Variants in KIF26B observed in about 807,000 individuals in gnomAD.
KIF26B encodes kinesin family member 26B.
In KIF26B, 63 loss-of-function variants were observed where a neutral mutation model predicts 151.2. The observed-to-expected ratio is 0.42, with a 90% CI of 0.34 to 0.51. The LOEUF is 0.51. Ranked by LOEUF, KIF26B falls within the 20% of genes least tolerant of loss-of-function variation. The probability of loss-of-function intolerance (pLI) is 0.07; values close to 1 mark genes in which losing one functional copy is unlikely to be tolerated. For synonymous variants in KIF26B, 1,357 were observed against 1,262.1 expected, an observed-to-expected ratio of 1.08 and a Z score of -1.59; for missense variants, 2,813 against 2,913.6, an observed-to-expected ratio of 0.97 and a Z score of 0.79.
chr1:245,193,386 TACTTG>T (rs1297820634), intron 2 of KIF26B, among the ~76,000 whole-genome samples: 2 of 152,234 alleles, frequency 1.3e-5, no homozygotes, highest in African/African-American at 2.4e-5. Flanking sequence ...GTTCCTTTGG[TACTTG>T]ACTTCTTATT....
At chr1:245,502,797 T>C (rs1315404880) in intron 4 of KIF26B, among the ~76,000 whole-genome samples, 1 of 151,972 alleles carries the variant, frequency 6.6e-6, no homozygotes, top group Non-Finnish European at 1.5e-5. Context: ...CCAACTGTTT[T>C]GTCATGACAG....
At chr1:245,368,848 G>A (rs1309656455) in intron 3 of KIF26B, among the ~76,000 whole-genome samples, 2 of 152,138 alleles carry the variant, frequency 1.3e-5, no homozygotes, top group Non-Finnish European at 2.9e-5. Context: ...CAAGAATCCA[G>A]TCTTTGCTGG....
intron 4 of KIF26B, among the ~76,000 whole-genome samples, chr1:245,461,845 G>A (rs1659654900): frequency 6.6e-6 from 1 of 152,190 alleles, no homozygotes; most frequent in Non-Finnish European, 1.5e-5. Context: ...CGGGCATGGT[G>A]ACTCATGCCA....
At chr1:245,701,629 T>TATTA (rs1487163923) in intron 14 of KIF26B, among the ~76,000 whole-genome samples, 9 of 151,500 alleles carry the variant, frequency 5.9e-5, no homozygotes, top group Non-Finnish European at 1.0e-4. Context: ...TCGTGTTCAT[T>TATTA]ATTATCTCAT....
chr1:245,451,851 C>T (rs569051170), intron 4 of KIF26B, among the ~76,000 whole-genome samples: 22 of 152,138 alleles, frequency 1.4e-4, no homozygotes, highest in Non-Finnish European at 2.1e-4. Context: ...CCACCCACCT[C>T]GGCCTCCCAA....
Position 245,564,863 on chromosome 1 carries a change from A to G in KIF26B, c.1350+23913A>G, listed in dbSNP as rs1301996418. ...TAGACCCCCACATGCACAGCTCACA[A>G]TAGGGTTTGTGCTTCCATGAGAATC... is the stretch of plus-strand genomic sequence containing the variant. On this transcript the variant is annotated intron_variant, in intron 5 of 14. Transcript: ENST00000407071. The surrounding 1 kb of genome is among the most constrained non-coding windows in gnomAD (Gnocchi z 4.6). 6.6e-6 allele frequency among the ~76,000 whole-genome samples: 1 copy of G among 152,132 alleles called. No homozygotes were observed. The highest frequency in any genetic ancestry group is 1.5e-5 in the Non-Finnish European group (1 of 68,012).
At chr1:245,217,530 A>AT (rs369493761) in intron 2 of KIF26B, among the ~76,000 whole-genome samples, 2,135 of 150,346 alleles carry the variant, frequency 0.014, 60 homozygotes, top group African/African-American at 0.048. Context: ...ACGCCCAGCT[A>AT]TTTTTTTTTG....
At chr1:245,216,518 T>C (rs75258849) in intron 2 of KIF26B, among the ~76,000 whole-genome samples, 2,733 of 152,312 alleles carry the variant, frequency 0.018, 36 homozygotes, top group Non-Finnish European at 0.026. Flanking sequence ...ACATTTCATT[T>C]ATTTTCCTTT....
chr1:245,456,936 G>A (rs1659545812), intron 4 of KIF26B, among the ~76,000 whole-genome samples: 2 of 152,098 alleles, frequency 1.3e-5, no homozygotes, highest in Non-Finnish European at 2.9e-5. Context: ...CATGATCTTG[G>A]CTCACTGCAA....
chr1:245,576,574 C>T (rs1371630570), intron 5 of KIF26B, among the ~76,000 whole-genome samples: 1 of 152,166 alleles, frequency 6.6e-6, no homozygotes, highest in Non-Finnish European at 1.5e-5. Context: ...CAGCTCTGGA[C>T]CTGCACTCCG....
rs1670181383 is a variant in KIF26B, at chr1:245,239,890, T to C, written c.465+83207T>C. Among the ~76,000 whole-genome samples the C allele has an allele frequency of 6.6e-6, 1 of 152,070 alleles. No homozygotes were observed. The highest frequency in any genetic ancestry group is 1.5e-5 in the Non-Finnish European group (1 of 68,010). On this transcript the variant is annotated intron_variant, in intron 2 of 14. Coordinates refer to ENST00000407071, the MANE Select transcript of KIF26B (RefSeq NM_018012.4). The surrounding 1 kb of genome is among the most constrained non-coding windows in gnomAD (Gnocchi z 4.3). ...TTATTTTACTATATAAAGAGTCACT[T>C]TCCGGCCGGGTGTGGTCACTCACGC...
rs76937591 is a variant in KIF26B at position 245,667,130 on chromosome 1, C to T, written c.2259-17103C>T. Among the ~76,000 whole-genome samples, 8,226 of 152,180 alleles carry T rather than the reference C, an allele frequency of 0.054. 657 individuals carry two copies. Among genetic ancestry groups the T allele is most frequent in the African/African-American group, 0.17 (7,070 of 41,476 alleles). ...CTCTCTGCTGTGACGTAGGAGGGAC[C>T]GTGAGCCTTATGCTAGGCACTCCTT... On this transcript the variant is annotated intron_variant, in intron 10 of 14. Coordinates refer to ENST00000407071, the MANE Select transcript of KIF26B (RefSeq NM_018012.4). This position sits in a 1 kb window ranked among gnomAD's most constrained non-coding sequence, Gnocchi z 4.3.
At chr1:245,695,746 T>C (rs973147961) in intron 12 of KIF26B, among the ~76,000 whole-genome samples, 4 of 151,832 alleles carry the variant, frequency 2.6e-5, no homozygotes, top group African/African-American at 7.3e-5. Context: ...ACTCTCCAGG[T>C]GTTTTTACCT....
chr1:245,251,621 C>T (rs919588940), intron 2 of KIF26B, among the ~76,000 whole-genome samples: 3 of 152,126 alleles, frequency 2.0e-5, no homozygotes, highest in South Asian at 2.1e-4. Flanking sequence ...ATATGAATCT[C>T]ATTTATCATT....
At chr1:245,223,469 T>C (rs1385862117) in intron 2 of KIF26B, among the ~76,000 whole-genome samples, 3 of 152,220 alleles carry the variant, frequency 2.0e-5, no homozygotes, top group Non-Finnish European at 4.4e-5. Flanking sequence ...GACCTTACCA[T>C]TGGCTTAGAA....
At chr1:245,599,917 A>G (rs1281085145) in intron 5 of KIF26B, among the ~76,000 whole-genome samples, 1 of 151,988 alleles carries the variant, frequency 6.6e-6, no homozygotes, top group African/African-American at 2.4e-5. Flanking sequence ...GTGTTTTACT[A>G]ATAGGAGCCT....
In KIF26B at chr1:245,667,376, G is replaced by A. The variant is rs192083481; in HGVS notation, c.2259-16857G>A. Reference sequence around the variant, plus strand: ...ATATTTTTAATAGAGATGGGGTTTCGCCATGTGTCCCAGGCTGGTCTCAAA... The same window carrying A: ...ATATTTTTAATAGAGATGGGGTTTCACCATGTGTCCCAGGCTGGTCTCAAA... On this transcript the variant is annotated intron_variant, in intron 10 of 14. Transcript: ENST00000407071. The surrounding 1 kb of genome is among the most constrained non-coding windows in gnomAD (Gnocchi z 4.3). 7.9e-5 allele frequency among the ~76,000 whole-genome samples: 12 copies of A among 152,042 alleles called. No homozygotes were observed. The highest frequency in any genetic ancestry group is 2.0e-4 in the Admixed American group (3 of 15,292).
chr1:245,412,661 G>A (rs1212768635), intron 3 of KIF26B, among the ~76,000 whole-genome samples: 1 of 152,106 alleles, frequency 6.6e-6, no homozygotes, highest in African/African-American at 2.4e-5. Context: ...AACCACATTT[G>A]GGATTCTCTC....
intron 4 of KIF26B, among the ~76,000 whole-genome samples, chr1:245,465,766 C>A (rs1234561451): frequency 6.6e-6 from 1 of 152,144 alleles, no homozygotes; most frequent in Non-Finnish European, 1.5e-5. Flanking sequence ...GCTGGGGAGG[C>A]CTGAGGGCAG....
Sources: allele counts gnomAD v4.1 joint callset (sites outside exome capture counted in the v4.1 genomes callset), GRCh38; gene constraint gnomAD v4.1.1; non-coding constraint Gnocchi (gnomAD v3.1); transcripts MANE v1.5; gene names NCBI Gene and HGNC (gene_info 2026-07-23, HGNC 2026-07-21).